PARD3B: variants seen among roughly 807,000 people sequenced by gnomAD.
PARD3B encodes the protein partitioning defective 3 homolog B.
PARD3B carries 103 observed loss-of-function variants against 130.2 expected under a neutral mutation model. That is an observed-to-expected ratio of 0.79 (90% CI 0.67 to 0.93). The LOEUF is 0.93. PARD3B is among the 40% of genes least tolerant of loss of function. The probability of loss-of-function intolerance (pLI) is 0.00; values close to 1 mark genes in which losing one functional copy is unlikely to be tolerated. For missense variants in PARD3B, 1,609 were observed against 1,499.2 expected (o/e 1.07, Z -1.21); for synonymous variants, 583 against 553.2 (o/e 1.05, Z -0.76).
intron 2 of PARD3B, among the ~76,000 whole-genome samples, chr2:204,876,242 T>A (rs531433519): frequency 6.6e-6 from 1 of 152,320 alleles, no homozygotes; most frequent in Admixed American, 6.5e-5. Flanking sequence ...TAAAATGCAA[T>A]AATCCAAAAG....
chr2:205,322,043 A>G (rs2042769791), intron 18 of PARD3B, among the ~76,000 whole-genome samples: 1 of 152,174 alleles, frequency 6.6e-6, no homozygotes, highest in Non-Finnish European at 1.5e-5. Context: ...TCTTTCTCAG[A>G]CTTGTTATAT....
intron 2 of PARD3B, among the ~76,000 whole-genome samples, chr2:204,841,461 A>G (rs2044257507): frequency 6.6e-6 from 1 of 151,630 alleles, no homozygotes; most frequent in Non-Finnish European, 1.5e-5. Context: ...AAAGTAGACA[A>G]ATGCCCCTGT....
At chr2:204,806,839 A>G (rs1317510607) in intron 2 of PARD3B, among the ~76,000 whole-genome samples, 1 of 152,218 alleles carries the variant, frequency 6.6e-6, no homozygotes, top group Non-Finnish European at 1.5e-5. Flanking sequence ...AAAGATTTGA[A>G]TAGTCATTTC....
At chr2:204,785,617 T>C (rs546998373) in intron 2 of PARD3B, among the ~76,000 whole-genome samples, 20 of 152,382 alleles carry the variant, frequency 1.3e-4, no homozygotes, top group Non-Finnish European at 2.2e-4. Context: ...TATTGGTCTC[T>C]AGTCCCCTTA....
In PARD3B at chr2:205,440,514, A is replaced by G. The variant is rs2047675134; in HGVS notation, c.2886A>G (p.Pro962=). 1.2e-6 allele frequency: 2 copies of G among 1,614,094 alleles called. No individual in the cohort carries two copies. Among genetic ancestry groups the G allele is most frequent in the African/African-American group, 1.3e-5 (1 of 75,030 alleles). ...CCAGAGTGAACCACTTTCGGGAACCATGCACATCAGCAAATGTCTTTAGAT... is the reference window on the plus strand; with the variant it reads ...CCAGAGTGAACCACTTTCGGGAACCGTGCACATCAGCAAATGTCTTTAGAT... The part of the protein sequence containing the change: ...NYARVNHFRE[P]CTSANVFRSP... Residue 962 remains proline, a synonymous_variant, in exon 20 of 23, where the codon CCA becomes CCG. Transcript: ENST00000406610. This position sits in a 1 kb window ranked among gnomAD's most constrained non-coding sequence, Gnocchi z 4.2.
chr2:204,824,007 A>G (rs2043471016), intron 2 of PARD3B, among the ~76,000 whole-genome samples: 1 of 152,074 alleles, frequency 6.6e-6, no homozygotes, highest in South Asian at 2.1e-4. Context: ...TGAAACAGCT[A>G]TAAGAGGAGG....
At chr2:205,555,974 G>T (rs1026887023) in intron 22 of PARD3B, among the ~76,000 whole-genome samples, 1 of 152,154 alleles carries the variant, frequency 6.6e-6, no homozygotes, top group Non-Finnish European at 1.5e-5. Flanking sequence ...CTTCTGAAAA[G>T]GTATGCAGAT....
intron 2 of PARD3B, among the ~76,000 whole-genome samples, chr2:204,915,003 C>A (rs1038144485): frequency 3.9e-5 from 6 of 152,136 alleles, no homozygotes; most frequent in Admixed American, 3.3e-4. Context: ...CCTTCGCACC[C>A]CACTTTCCTC....
intron 4 of PARD3B, among the ~76,000 whole-genome samples, chr2:205,057,343 A>G (rs557542529): frequency 2.6e-4 from 23 of 89,468 alleles, no homozygotes; most frequent in Admixed American, 6.5e-4. Flanking sequence ...TGTGTTATAT[A>G]CATATACATA....
chr2:204,638,794 G>T (rs2034977170), intron 1 of PARD3B, among the ~76,000 whole-genome samples: 2 of 152,116 alleles, frequency 1.3e-5, no homozygotes. Flanking sequence ...GGAAATGATG[G>T]CATATAGTTC....
At chr2:204,594,035 AAC>A in intron 1 of PARD3B, among the ~76,000 whole-genome samples, 1 of 152,238 alleles carries the variant, frequency 6.6e-6, no homozygotes, top group South Asian at 2.1e-4. Context: ...TGGTTCCATC[AAC>A]ACTCGGTCCC....
chr2:205,232,341 A>C lies in PARD3B; in HGVS notation c.2141-13437A>C, dbSNP rs532992491. On this transcript the variant is annotated intron_variant, in intron 15 of 22. Transcript: ENST00000406610. ...AGTGGCACACACTGTAGTCCTAGCT[A>C]CTTGGGAGGCTTGAGGCCAGGAGTT... is the stretch of plus-strand genomic sequence containing the variant. Among the ~76,000 whole-genome samples, 7 of 152,238 alleles carry C rather than the reference A, an allele frequency of 4.6e-5. No homozygotes were observed. In the East Asian group the frequency reaches 1.2e-3, roughly 25 times the overall value.
chr2:205,320,656 G>A (rs1028695104), intron 18 of PARD3B, among the ~76,000 whole-genome samples: 3 of 152,216 alleles, frequency 2.0e-5, no homozygotes, highest in African/African-American at 7.2e-5. Flanking sequence ...TGGCACAGCA[G>A]TCACGCTGAA....
intron 16 of PARD3B, among the ~76,000 whole-genome samples, chr2:205,251,982 A>G (rs962398591): frequency 6.6e-6 from 1 of 152,188 alleles, no homozygotes; most frequent in African/African-American, 2.4e-5. Context: ...GGAAGTTGTC[A>G]TAAAGAAGTT....
chr2:204,607,916 ATTAAGGAC>A (rs1018058609), intron 1 of PARD3B, among the ~76,000 whole-genome samples: 1 of 152,170 alleles, frequency 6.6e-6, no homozygotes, highest in Non-Finnish European at 1.5e-5. Context: ...TATGGCATTT[ATTAAGGAC>A]TTGGACCCCT....
chr2:205,538,250 T>A (rs186792015), intron 21 of PARD3B, among the ~76,000 whole-genome samples: 9 of 152,292 alleles, frequency 5.9e-5, no homozygotes, highest in African/African-American at 2.2e-4. Flanking sequence ...AATAGTTCTG[T>A]CTGACAGGCT....
At chr2:204,687,022 CAA>C (rs2037117036) in intron 2 of PARD3B, among the ~76,000 whole-genome samples, 1 of 152,074 alleles carries the variant, frequency 6.6e-6, no homozygotes, top group South Asian at 2.1e-4. Flanking sequence ...ATCTAGCTTT[CAA>C]AGTTTCTTCT....
intron 2 of PARD3B, among the ~76,000 whole-genome samples, chr2:204,786,967 C>T (rs191869141): frequency 2.0e-5 from 3 of 152,050 alleles, no homozygotes; most frequent in Admixed American, 6.5e-5. Context: ...GTTCTCTGGA[C>T]GTATGGGATG....
chr2:205,204,576 G>A (rs943962013), intron 15 of PARD3B, among the ~76,000 whole-genome samples: 3 of 152,096 alleles, frequency 2.0e-5, no homozygotes, highest in African/African-American at 7.2e-5. Context: ...GGTTTTTATG[G>A]TTTTAGGCAT....
Sources: allele counts gnomAD v4.1 joint callset (sites outside exome capture counted in the v4.1 genomes callset), GRCh38; gene constraint gnomAD v4.1.1; non-coding constraint Gnocchi (gnomAD v3.1); transcripts MANE v1.5; gene names NCBI Gene and HGNC (gene_info 2026-07-23, HGNC 2026-07-21).